Variants in RBFOX1 observed in about 807,000 individuals in gnomAD.
The protein encoded by RBFOX1 is RNA binding protein fox-1 homolog 1.
RBFOX1 carries 8 observed loss-of-function variants against 57.7 expected under a neutral mutation model. That is an observed-to-expected ratio of 0.14 (90% CI 0.08 to 0.25). RBFOX1 has a LOEUF of 0.25. RBFOX1 is among the 10% of genes least tolerant of loss of function. The probability of loss-of-function intolerance (pLI) is 1.00; values close to 1 mark genes in which losing one functional copy is unlikely to be tolerated. For missense variants in RBFOX1, 611 were observed against 548.5 expected (o/e 1.11, Z -1.14); for synonymous variants, 326 against 222.4 (o/e 1.47, Z -4.15).
intron 3 of RBFOX1, among the ~76,000 whole-genome samples, chr16:5,736,727 C>T (rs1412039651): frequency 2.0e-5 from 3 of 152,064 alleles, no homozygotes; most frequent in African/African-American, 7.2e-5. Context: ...TGCCCCCTCC[C>T]CTCTCTCCAT....
At chr16:5,889,168 T>A (rs541256378) in intron 4 of RBFOX1, among the ~76,000 whole-genome samples, 6 of 152,302 alleles carry the variant, frequency 3.9e-5, no homozygotes, top group Admixed American at 3.3e-4. Flanking sequence ...GGTGGTTTGC[T>A]GCACAGATCA....
intron 3 of RBFOX1, among the ~76,000 whole-genome samples, chr16:6,984,916 C>G (rs1205418884): frequency 6.6e-6 from 1 of 152,142 alleles, no homozygotes; most frequent in African/African-American, 2.4e-5. Context: ...GCTAGGATTA[C>G]AGGTATGAGA....
chr16:7,420,936 TATAC>T (rs923891117), intron 4 of RBFOX1, among the ~76,000 whole-genome samples: 35 of 144,302 alleles, frequency 2.4e-4, no homozygotes, highest in Non-Finnish European at 3.2e-4. Context: ...CACATATATA[TATAC>T]ACACACACAC....
At chr16:5,454,466 A>G (rs1388188289) in intron 1 of RBFOX1, among the ~76,000 whole-genome samples, 1 of 152,218 alleles carries the variant, frequency 6.6e-6, no homozygotes, top group Non-Finnish European at 1.5e-5. Context: ...GTTTTTATCT[A>G]AGGCATTAAT....
At chr16:5,820,867 A>T (rs1321710573) in intron 3 of RBFOX1, among the ~76,000 whole-genome samples, 15 of 152,042 alleles carry the variant, frequency 9.9e-5, no homozygotes, top group African/African-American at 3.6e-4. Flanking sequence ...CAATTTCGGG[A>T]AGTCTTCTCT....
chr16:7,371,045 T>G (rs1478434522), intron 4 of RBFOX1, among the ~76,000 whole-genome samples: 1 of 152,198 alleles, frequency 6.6e-6, no homozygotes, highest in Non-Finnish European at 1.5e-5. Flanking sequence ...CTTGCCTGTA[T>G]TTTGTTCTCC....
intron 3 of RBFOX1, among the ~76,000 whole-genome samples, chr16:6,810,287 A>T (rs2088139751): frequency 6.6e-6 from 1 of 152,020 alleles, no homozygotes; most frequent in Admixed American, 6.6e-5. Flanking sequence ...TTGGTCTGTC[A>T]CTGAAATTAT....
chr16:6,318,218 C>T (rs1196183681), intron 2 of RBFOX1, among the ~76,000 whole-genome samples: 1 of 152,304 alleles, frequency 6.6e-6, no homozygotes, highest in Middle Eastern at 3.4e-3. Context: ...ACGCTTGTAT[C>T]TCACAGGAGA....
At chr16:6,421,568 C>G (rs911478513) in intron 2 of RBFOX1, among the ~76,000 whole-genome samples, 3 of 152,142 alleles carry the variant, frequency 2.0e-5, no homozygotes, top group African/African-American at 7.2e-5. Flanking sequence ...ATGGAGGTGG[C>G]TCAAATATAT....
At chr16:7,241,151 A>T (rs541317246) in intron 4 of RBFOX1, among the ~76,000 whole-genome samples, 1 of 152,326 alleles carries the variant, frequency 6.6e-6, no homozygotes, top group Admixed American at 6.5e-5. Context: ...GCATTTGGAA[A>T]ATGAAAAATC....
At chr16:6,875,076 G>C (rs1435499741) in intron 3 of RBFOX1, among the ~76,000 whole-genome samples, 1 of 152,112 alleles carries the variant, frequency 6.6e-6, no homozygotes, top group African/African-American at 2.4e-5. Flanking sequence ...AAAAATGTAA[G>C]GACTCAAAAT....
At chr16:6,906,420 T>C (rs549274123) in intron 3 of RBFOX1, among the ~76,000 whole-genome samples, 11 of 152,272 alleles carry the variant, frequency 7.2e-5, no homozygotes, top group Admixed American at 5.9e-4. Context: ...AAGAAAATTA[T>C]GGGAAAATAG....
chr16:7,582,675 A>G (rs1381588996), intron 6 of RBFOX1, among the ~76,000 whole-genome samples: 3 of 152,152 alleles, frequency 2.0e-5, no homozygotes, highest in East Asian at 1.9e-4. Context: ...TTTAACTCCA[A>G]TTCGGTACTT....
intron 3 of RBFOX1, among the ~76,000 whole-genome samples, chr16:6,667,207 C>G (rs188428007): frequency 6.6e-6 from 1 of 152,088 alleles, no homozygotes; most frequent in East Asian, 1.9e-4. Flanking sequence ...GAAACCTAAA[C>G]GACAGATGAT....
At chr16:6,780,410 TTA>T (rs1555461307) in intron 3 of RBFOX1, among the ~76,000 whole-genome samples, 1 of 79,224 alleles carries the variant, frequency 1.3e-5, no homozygotes, top group Non-Finnish European at 2.0e-5. Context: ...TTATATATAT[TTA>T]TATATATTTA....
chr16:6,712,037 A>G (rs1028022408), intron 3 of RBFOX1, among the ~76,000 whole-genome samples: 2 of 152,348 alleles, frequency 1.3e-5, no homozygotes, highest in Middle Eastern at 3.4e-3. Context: ...CATATACTAT[A>G]TGGTAAAGTC....
chr16:6,869,591 GAGAA>G (rs558609811), intron 3 of RBFOX1, among the ~76,000 whole-genome samples: 32 of 150,216 alleles, frequency 2.1e-4, no homozygotes, highest in African/African-American at 5.3e-4. Flanking sequence ...GGATGAAATA[GAGAA>G]AGAAAGAACA....
chr16:6,920,081 A>G (rs1210803274), intron 3 of RBFOX1, among the ~76,000 whole-genome samples: 2 of 152,276 alleles, frequency 1.3e-5, no homozygotes, highest in Non-Finnish European at 2.9e-5. Context: ...AATGGCATCC[A>G]ACTCCATCCA....
chr16:7,643,989 C>G (rs2143709903), intron 11 of RBFOX1, among the ~76,000 whole-genome samples: 1 of 152,290 alleles, frequency 6.6e-6, no homozygotes, highest in East Asian at 1.9e-4. Flanking sequence ...CTGGCTCTGT[C>G]TCAGATGTGG....
Sources: gnomAD v4.1 joint callset for allele counts (sites outside exome capture counted in the v4.1 genomes callset) on GRCh38, gnomAD v4.1.1 for gene constraint, MANE v1.5 for transcripts, NCBI Gene and HGNC (gene_info 2026-07-23, HGNC 2026-07-21) for gene names.